The following AKAP13 variants were observed in gnomAD, a reference collection of about 807,000 sequenced individuals.
The protein encoded by AKAP13 is A-kinase anchoring protein 13, also known as A-kinase anchor protein 13.
A neutral mutation model predicts 264.5 loss-of-function variants in AKAP13; 80 were observed. The observed-to-expected ratio is 0.30, with a 90% CI of 0.25 to 0.36. The LOEUF (loss-of-function observed/expected upper bound fraction) is 0.36. Ranked by LOEUF, AKAP13 falls within the 10% of genes least tolerant of loss-of-function variation. The probability of loss-of-function intolerance (pLI) is 1.00; values close to 1 mark genes in which losing one functional copy is unlikely to be tolerated. For missense variants in AKAP13, 3,712 were observed against 3,435.2 expected, an observed-to-expected ratio of 1.08 and a Z score of -2.01; for synonymous variants, 1,380 against 1,250.2, an observed-to-expected ratio of 1.10 and a Z score of -2.19.
chr15:85,476,672 T>A (rs372172160), intron 1 of AKAP13, among the ~76,000 whole-genome samples: 2 of 152,204 alleles, frequency 1.3e-5, no homozygotes, highest in African/African-American at 4.8e-5. Context: ...ATTCTAGGTC[T>A]TTTTGTCTCT....
chr15:85,736,217 T>C, intron 33 of AKAP13, 83 bp downstream of exon 33: 1 of 1,259,060 alleles, frequency 7.9e-7, no homozygotes, highest in Non-Finnish European at 1.1e-6. Context: ...CTTTTTTTTT[T>C]TTCTTTTTGC....
At chr15:85,542,762 T>C (rs147992153) in intron 4 of AKAP13, among the ~76,000 whole-genome samples, 2 of 152,270 alleles carry the variant, frequency 1.3e-5, no homozygotes, top group Admixed American at 1.3e-4. Context: ...TAGTGAACCT[T>C]GAATGTAATT....
chr15:85,490,453 T>C (rs951631640), intron 2 of AKAP13, among the ~76,000 whole-genome samples: 2 of 152,224 alleles, frequency 1.3e-5, no homozygotes, highest in African/African-American at 4.8e-5. Flanking sequence ...AGTGAAATCG[T>C]TTGAGTCTTC....
intron 5 of AKAP13, among the ~76,000 whole-genome samples, chr15:85,567,273 A>G (rs969625115): frequency 2.6e-5 from 4 of 151,498 alleles, no homozygotes; most frequent in Middle Eastern, 6.5e-3. Flanking sequence ...ACACCCAGCT[A>G]ATTTTTGTAT....
chr15:85,671,433 CAAAAA>C lies in AKAP13; in HGVS notation c.5101+1624_5101+1628del, dbSNP rs11296113. On this transcript the variant is annotated intron_variant, in intron 14 of 36. Coordinates refer to ENST00000394518, the MANE Select transcript of AKAP13 (RefSeq NM_007200.5). Reference sequence around the variant, plus strand: ...TGGGTGATAGAGTGAGACACTGCCTCAAAAAAAAAAAAAAAAAAAAAAAAAGAGAG... The same window carrying C: ...TGGGTGATAGAGTGAGACACTGCCTCAAAAAAAAAAAAAAAAAAAAGAGAG... Among the ~76,000 whole-genome samples, 25 of 70,560 alleles carry C rather than the reference CAAAAA, an allele frequency of 3.5e-4. No individual in the cohort carries two copies. In the South Asian group the frequency reaches 8.8e-3, roughly 25 times the overall value. 46.3% of individuals were successfully genotyped at this position (70,560 alleles called of 152,430 possible). A position where few individuals can be genotyped will look rare whatever the true frequency, so the allele number is the denominator to read the frequency against.
chr15:85,637,884 GTTTT>G (rs34885165), intron 8 of AKAP13, among the ~76,000 whole-genome samples: 3 of 122,520 alleles, frequency 2.4e-5, no homozygotes, highest in Admixed American at 8.5e-5. Flanking sequence ...TTATTTAGAA[GTTTT>G]TTTTTTTTTT....
chr15:85,543,927 T>C lies in AKAP13; in HGVS notation c.634T>C (p.Tyr212His), dbSNP rs777324708. Residue 212 changes from tyrosine to histidine, a missense_variant, in exon 5 of 37, where the codon TAT becomes CAT. This residue lies in a region of AKAP13 where 2,759 missense variants were observed against 2,411.7 expected (regional missense o/e 1.14). Coordinates refer to ENST00000394518, the MANE Select transcript of AKAP13 (RefSeq NM_007200.5). ...TGTGAGCTTGGCCTTGGAGCGAGGC[T>C]ATCACAAGCTGCACCAGCTTCTAAC... ...TPVSLALERG[Y>H]HKLHQLLTEE... 8.7e-6 allele frequency: 14 copies of C among 1,613,370 alleles called. No homozygotes were observed. Among genetic ancestry groups the C allele is most frequent in the Admixed American group, 1.7e-5 (1 of 59,966 alleles).
At chr15:85,685,756 C>G (rs2084876280) in intron 16 of AKAP13, among the ~76,000 whole-genome samples, 2 of 152,076 alleles carry the variant, frequency 1.3e-5, no homozygotes, top group South Asian at 4.1e-4. Context: ...GCTTCCGAAG[C>G]CCTGGGTGTG....
chr15:85,561,839 T>C (rs1651342586), intron 5 of AKAP13, among the ~76,000 whole-genome samples: 1 of 152,250 alleles, frequency 6.6e-6, no homozygotes, highest in East Asian at 1.9e-4. Flanking sequence ...TACTAACTTC[T>C]GTACCCATAT....
At chr15:85,423,909 T>C (rs1377270919) in intron 1 of AKAP13, among the ~76,000 whole-genome samples, 1 of 152,242 alleles carries the variant, frequency 6.6e-6, no homozygotes, top group East Asian at 1.9e-4. Flanking sequence ...ATCTCCATCA[T>C]AGCTCTTGGG....
chr15:85,709,496 C>T (rs2086505214), intron 18 of AKAP13, among the ~76,000 whole-genome samples: 1 of 152,026 alleles, frequency 6.6e-6, no homozygotes, highest in African/African-American at 2.4e-5. Context: ...ACACCCCACC[C>T]CACCCCAGCT....
At chr15:85,528,791 C>G (rs2077161714) in intron 3 of AKAP13, among the ~76,000 whole-genome samples, 1 of 152,062 alleles carries the variant, frequency 6.6e-6, no homozygotes, top group African/African-American at 2.4e-5. Context: ...AAATTAATTC[C>G]TAATTTAAAA....
intron 5 of AKAP13, among the ~76,000 whole-genome samples, chr15:85,554,665 C>G (rs1409526502): frequency 6.6e-6 from 1 of 152,020 alleles, no homozygotes; most frequent in Admixed American, 6.6e-5. Flanking sequence ...CTCTAGCATA[C>G]CACACAGTCA....
intron 1 of AKAP13, among the ~76,000 whole-genome samples, chr15:85,474,920 T>C (rs1184375399): frequency 6.6e-6 from 1 of 152,226 alleles, no homozygotes; most frequent in African/African-American, 2.4e-5. Context: ...GATAGTCACA[T>C]AACGTGTGTG....
rs183226678 is a variant in AKAP13 at position 85,684,723 on chromosome 15, C to A, written c.5157-18C>A. On this transcript the variant is annotated intron_variant, in intron 15 of 36. Transcript: ENST00000394518. Reference sequence around the variant, plus strand: ...CTGTAGCCCTTTAAAAAAAATCAATCTTCTTGTTTTTATTTAGTATAACAG... The same window carrying A: ...CTGTAGCCCTTTAAAAAAAATCAATATTCTTGTTTTTATTTAGTATAACAG... The A allele has an allele frequency of 1.3e-5, 20 of 1,598,082 alleles. No homozygotes were observed. Among genetic ancestry groups the A allele is most frequent in the Non-Finnish European group, 4.3e-6 (5 of 1,174,978 alleles).
intron 1 of AKAP13, among the ~76,000 whole-genome samples, chr15:85,393,504 A>G (rs189755076): frequency 8.9e-4 from 136 of 152,336 alleles, no homozygotes; most frequent in African/African-American, 3.2e-3. Context: ...AGCATAGAAT[A>G]GTGTGTATGT....
chr15:85,492,435 A>G (rs556819363), intron 2 of AKAP13, among the ~76,000 whole-genome samples: 5 of 152,266 alleles, frequency 3.3e-5, no homozygotes, highest in African/African-American at 9.6e-5. Flanking sequence ...AGAATACAAT[A>G]ACTTCACCTC....
chr15:85,426,805 ATATCC>A (rs1484773387), intron 1 of AKAP13, among the ~76,000 whole-genome samples: 1 of 152,124 alleles, frequency 6.6e-6, no homozygotes, highest in African/African-American at 2.4e-5. Context: ...TTTTCTGATG[ATATCC>A]TTTCCTTCAT....
intron 1 of AKAP13, among the ~76,000 whole-genome samples, chr15:85,385,605 A>G (rs1381274117): frequency 2.6e-5 from 4 of 152,190 alleles, no homozygotes; most frequent in Non-Finnish European, 2.9e-5. Context: ...TGCCTTTTCA[A>G]GAATGTTGTA....
Sources: allele counts gnomAD v4.1 joint callset (sites outside exome capture counted in the v4.1 genomes callset), GRCh38; gene constraint gnomAD v4.1.1; regional missense constraint gnomAD v4.1.1; transcripts MANE v1.5; gene names NCBI Gene and HGNC (gene_info 2026-07-23, HGNC 2026-07-21).